The following LIPE variants were observed in gnomAD, a reference collection of about 807,000 sequenced individuals.
LIPE encodes lipase E, hormone sensitive type.
A neutral mutation model predicts 88.5 loss-of-function variants in LIPE; 66 were observed. The ratio of observed to expected loss-of-function variants is 0.75; its 90% CI spans 0.61 to 0.91. The LOEUF (loss-of-function observed/expected upper bound fraction) is 0.91, where lower values mean the gene tolerates loss of function less well. Among genes scored for constraint, LIPE ranks in the 40% least tolerant of loss-of-function variants. The probability of loss-of-function intolerance (pLI) is 0.00; values close to 1 mark genes in which losing one functional copy is unlikely to be tolerated. For synonymous variants in LIPE, 570 were observed against 617.5 expected (o/e 0.92, Z 1.14); for missense variants, 1,346 against 1,434.7 (o/e 0.94, Z 1.00).
At position 42,426,733 on chromosome 19, in the gene LIPE, T is replaced by G. The variant is rs762095390; in HGVS notation, c.417A>C (p.Pro139=). The change falls in exon 1 of 10, where the codon CCA becomes CCC. Residue 139 remains proline (P), a synonymous_variant. Transcript: ENST00000244289. ...GAGGTGGCTCTCCTGGCCCAGGCCCTGGCTGGGCTACATGTCTTTGTCTCA... is the reference window on the plus strand; with the variant it reads ...GAGGTGGCTCTCCTGGCCCAGGCCCGGGCTGGGCTACATGTCTTTGTCTCA... ...PALRQRHVAQ[P]GPGPGEPPPA... 1.2e-6 allele frequency: 2 copies of G among 1,614,226 alleles called. No individual in the cohort carries two copies. Among genetic ancestry groups the G allele is most frequent in the South Asian group, 2.2e-5 (2 of 91,084 alleles).
At chr19:42,422,466 C>T (rs2040616997) in intron 1 of LIPE, among the ~76,000 whole-genome samples, 1 of 152,208 alleles carries the variant, frequency 6.6e-6, no homozygotes, top group African/African-American at 2.4e-5. Context: ...CGTCTGCCCT[C>T]TGAGCCTGTC....
chr19:42,403,855 C>A (rs1320629081), intron 8 of LIPE, among the ~76,000 whole-genome samples: 1 of 152,100 alleles, frequency 6.6e-6, no homozygotes, highest in East Asian at 1.9e-4. Context: ...AGGGGTCTGG[C>A]ACCTGTAGCC....
intron 1 of LIPE, among the ~76,000 whole-genome samples, chr19:42,422,087 C>T (rs897323505): frequency 7.9e-5 from 12 of 152,202 alleles, no homozygotes; most frequent in African/African-American, 2.9e-4. Context: ...GCATACCAGG[C>T]TCTAGAAATA....
chr19:42,423,384 T>G (rs776287995), intron 1 of LIPE: 1 of 1,283,750 alleles, frequency 7.8e-7, no homozygotes, highest in Non-Finnish European at 1.0e-6. Flanking sequence ...TGTACGAGGT[T>G]CCTTCCGGGC....
At position 42,401,685 on chromosome 19, in the gene LIPE, C is replaced by G; in HGVS notation, c.*127G>C. 3.7e-6 allele frequency: 2 copies of G among 541,032 alleles called. No homozygotes were observed. The highest frequency in any genetic ancestry group is 5.7e-6 in the Non-Finnish European group (2 of 348,520). The allele number at this position is 541,032 out of a possible 1,614,324, so 33.5% of individuals were successfully genotyped here. A position where few individuals can be genotyped will look rare whatever the true frequency, so the allele number is the denominator to read the frequency against. On this transcript the variant is annotated 3_prime_UTR_variant, in exon 10 of 10. Coordinates refer to ENST00000244289, the MANE Select transcript of LIPE (RefSeq NM_005357.4). Reference sequence around the variant, plus strand: ...GTCCCCCTCCCCGTGGCGAGGGTCTCAGCTTTCGGGCCCCCGCCCCGCCCC... The same window carrying G: ...GTCCCCCTCCCCGTGGCGAGGGTCTGAGCTTTCGGGCCCCCGCCCCGCCCC...
rs1018717654 is a variant in LIPE, at chr19:42,402,897, C to T, written c.2677G>A (p.Glu893Lys). 30 of 1,613,198 alleles carry T rather than the reference C, an allele frequency of 1.9e-5. No homozygotes were observed. The highest frequency in any genetic ancestry group is 2.5e-5 in the Non-Finnish European group (29 of 1,180,024). ...GNSETSSDTP[E>K]MSLSAETLSP... ...AGTGTCTCAGCTGACAGCGACATCT[C>T]GGGGGTGTCCGACGACGTCTCGGAG... Residue 893 changes from glutamate to lysine, a missense_variant, in exon 9 of 10, where the codon GAG (glutamate) becomes AAG (lysine). Glu to Lys is a moderately conservative substitution (Grantham distance 56). Transcript: ENST00000244289.
chr19:42,424,971 T>G lies in LIPE; in HGVS notation c.883+1296A>C, dbSNP rs2040681530. Reference sequence around the variant, plus strand: ...TCTGATGCTGCTCCCCCAACTTTCCTGCCGTCAGTCCCTGACCTTGCCTGA... The same window carrying G: ...TCTGATGCTGCTCCCCCAACTTTCCGGCCGTCAGTCCCTGACCTTGCCTGA... On this transcript the variant is annotated intron_variant, in intron 1 of 9. Coordinates refer to ENST00000244289, the MANE Select transcript of LIPE (RefSeq NM_005357.4). The G allele has an allele frequency of 1.0e-4, 30 of 288,738 alleles. 1 individual carries two copies. Among genetic ancestry groups the G allele is most frequent in the South Asian group, 9.4e-4 (29 of 30,920 alleles). The allele number at this position is 288,738 out of a possible 1,614,324, so 17.9% of individuals were successfully genotyped here.
At chr19:42,419,069 G>A (rs1218224599) in intron 1 of LIPE, among the ~76,000 whole-genome samples, 3 of 151,840 alleles carry the variant, frequency 2.0e-5, no homozygotes, top group African/African-American at 7.3e-5. Context: ...ACCTGAGATC[G>A]GGAGTTCGAG....
intron 1 of LIPE, among the ~76,000 whole-genome samples, chr19:42,416,663 C>T (rs1269268890): frequency 1.3e-5 from 2 of 152,222 alleles, no homozygotes; most frequent in South Asian, 2.1e-4. Context: ...GCCAAATGTA[C>T]TCTGCCTATG....
chr19:42,423,481 T>A, intron 1 of LIPE: 1 of 1,287,754 alleles, frequency 7.8e-7, no homozygotes, highest in East Asian at 5.6e-5. Flanking sequence ...TTTGGCATTC[T>A]TCGAGGCCGG....
intron 1 of LIPE, chr19:42,411,435 T>C (rs889298917): frequency 1.5e-5 from 8 of 550,924 alleles, no homozygotes; most frequent in Non-Finnish European, 1.8e-5. Context: ...GGAGTCCGGG[T>C]CCCCCATCCC....
intron 2 of LIPE, among the ~76,000 whole-genome samples, chr19:42,409,574 C>G (rs1340852158): frequency 6.6e-6 from 1 of 152,152 alleles, no homozygotes; most frequent in East Asian, 1.9e-4. Context: ...GGCCTCTGCC[C>G]TCCCGGGGAC....
chr19:42,424,240 C>T, intron 1 of LIPE: 1 of 653,246 alleles, frequency 1.5e-6, no homozygotes, highest in Non-Finnish European at 2.4e-6. Flanking sequence ...TCGGCGCCTG[C>T]GCACTAGCTT....
rs1046613994 is a variant in LIPE at position 42,407,544 on chromosome 19, A to C, written c.1842+62T>G. On this transcript the variant is annotated intron_variant, in intron 5 of 9. Transcript: ENST00000244289. This position sits in a 1 kb window ranked among gnomAD's most constrained non-coding sequence, Gnocchi z 5.8. Reference sequence around the variant, plus strand: ...GCTGCACCCCTCCATGGGGATGCCAAGGTGGGGGCTGCCCACGCTCCTCGG... The same window carrying C: ...GCTGCACCCCTCCATGGGGATGCCACGGTGGGGGCTGCCCACGCTCCTCGG... The C allele has an allele frequency of 4.4e-6, 7 of 1,574,196 alleles. No individual in the cohort carries two copies. The highest frequency in any genetic ancestry group is 1.3e-5 in the African/African-American group (1 of 74,196).
intron 1 of LIPE, chr19:42,425,069 T>G: frequency 4.8e-6 from 1 of 208,128 alleles, no homozygotes; most frequent in Non-Finnish European, 1.0e-5. Flanking sequence ...CCCTTCCGCC[T>G]GGCTGGACTG....
At position 42,411,776 on chromosome 19, in the gene LIPE, CCT is replaced by C. The variant is rs555299686; in HGVS notation, c.884-936_884-935del. ...TGGGTTGCATGGCCGGCCCTGCTCC[CCT>C]GCCTGGAACAGCGATACTCATCACT... On this transcript the variant is annotated intron_variant, in intron 1 of 9. Coordinates refer to ENST00000244289, the MANE Select transcript of LIPE (RefSeq NM_005357.4). Among the ~76,000 whole-genome samples, 33 of 152,328 alleles carry C rather than the reference CCT, an allele frequency of 2.2e-4. No individual in the cohort carries two copies. In the East Asian group the frequency reaches 5.8e-3, roughly 27 times the overall value.
chr19:42,408,183 G>A lies in LIPE; in HGVS notation c.1510+49C>T, dbSNP rs774727239. Reference sequence around the variant, plus strand: ...GTCAGGCTGCTTGGGCAGGAGTGGGGAGGAGGGCCAAGAGAGTAGGCTGCG... The same window carrying A: ...GTCAGGCTGCTTGGGCAGGAGTGGGAAGGAGGGCCAAGAGAGTAGGCTGCG... On this transcript the variant is annotated intron_variant, in intron 3 of 9. Transcript: ENST00000244289. The surrounding 1 kb of genome is among the most constrained non-coding windows in gnomAD (Gnocchi z 4.3). 60 of 1,613,832 alleles carry A rather than the reference G, an allele frequency of 3.7e-5. No individual in the cohort carries two copies. In the Admixed American group the frequency reaches 9.7e-4, roughly 26 times the overall value.
chr19:42,413,394 G>A (rs34637823), intron 1 of LIPE, among the ~76,000 whole-genome samples: 5,779 of 152,300 alleles, frequency 0.038, 343 homozygotes, highest in African/African-American at 0.13. Flanking sequence ...GGCCAGGCGT[G>A]GTGGCTCACG....
chr19:42,407,693 G>A lies in LIPE; in HGVS notation c.1755C>T (p.Leu585=). Reference sequence around the variant, plus strand: ...CCAGTGGGGGTGAGATGGTGACCGTGAGCGTGGGGTCGGCAGTCAGTGGCA... The same window carrying A: ...CCAGTGGGGGTGAGATGGTGACCGTAAGCGTGGGGTCGGCAGTCAGTGGCA... ...FEMPLTADPT[L]TVTISPPLAH... Residue 585 remains leucine (L), a synonymous_variant, in exon 5 of 10, where the codon CTC becomes CTT. Coordinates refer to ENST00000244289, the MANE Select transcript of LIPE (RefSeq NM_005357.4). The surrounding 1 kb of genome is among the most constrained non-coding windows in gnomAD (Gnocchi z 5.8). 1 of 1,599,280 alleles carries A rather than the reference G, an allele frequency of 6.3e-7. No homozygotes were observed.
Sources: gnomAD v4.1 joint callset for allele counts (sites outside exome capture counted in the v4.1 genomes callset) on GRCh38, gnomAD v4.1.1 for gene constraint, Gnocchi (gnomAD v3.1) non-coding constraint, MANE v1.5 for transcripts, NCBI Gene and HGNC (gene_info 2026-07-23, HGNC 2026-07-21) for gene names.